The following MBTD1 variants were observed in gnomAD, a reference collection of about 807,000 sequenced individuals.
MBTD1 encodes the protein MBT domain-containing protein 1.
A neutral mutation model predicts 87.8 loss-of-function variants in MBTD1; 24 were observed. The observed-to-expected ratio is 0.27, with a 90% CI of 0.20 to 0.38. The LOEUF is 0.38. MBTD1 is among the 10% of genes least tolerant of loss of function. The probability of loss-of-function intolerance (pLI) is 1.00; values close to 1 mark genes in which losing one functional copy is unlikely to be tolerated. For synonymous variants in MBTD1, 237 were observed against 248.6 expected (o/e 0.95, Z 0.44); for missense variants, 436 against 760.2 (o/e 0.57, Z 5.02).
At position 51,177,435 on chromosome 17, in the gene MBTD1, CATTTT is replaced by C. The variant is rs1167642057; in HGVS notation, c.*3136_*3140del. On this transcript the variant is annotated 3_prime_UTR_variant, in exon 17 of 17. Transcript: ENST00000586178. ...CTGCTCAAATCCAGCTTAACTTTAA[CATTTT>C]ATTTTGTGTAAAAAAGGGCAAATTT... is the stretch of plus-strand genomic sequence containing the variant. 2.6e-5 allele frequency: 4 copies of C among 152,184 alleles called. No individual in the cohort carries two copies. Among genetic ancestry groups the C allele is most frequent in the African/African-American group, 9.7e-5 (4 of 41,442 alleles). 9.4% of individuals were successfully genotyped at this position (152,184 alleles called of 1,614,324 possible). A position where few individuals can be genotyped will look rare whatever the true frequency, so the allele number is the denominator to read the frequency against.
rs536430023 is a variant in MBTD1, at chr17:51,191,958, TCA to T, written c.1768+243_1768+244del. On this transcript the variant is annotated intron_variant, in intron 16 of 16. Coordinates refer to ENST00000586178, the MANE Select transcript of MBTD1 (RefSeq NM_017643.3). The stretch of plus-strand genomic sequence containing the variant: ...TTTTACATATTATTTCAAGAATCAT[TCA>T]CAGACTCTATTCTTTACCACGTATA... 163 of 454,040 alleles carry T rather than the reference TCA, an allele frequency of 3.6e-4. No individual in the cohort carries two copies. In the South Asian group the frequency reaches 5.0e-3, roughly 14 times the overall value. The allele number at this position is 454,040 out of a possible 1,614,324, so 28.1% of individuals were successfully genotyped here. A position where few individuals can be genotyped will look rare whatever the true frequency, so the allele number is the denominator to read the frequency against.
rs561384739 is a variant in MBTD1 at position 51,179,884 on chromosome 17, T to C, written c.*692A>G. On this transcript the variant is annotated 3_prime_UTR_variant, in exon 17 of 17. Transcript: ENST00000586178. ...CCATTCCAGTTTAACACTTTAGTGT[T>C]AGGATAATTCTAATCATTTTTTTAA... 1 of 152,132 alleles carries C rather than the reference T, an allele frequency of 6.6e-6. No homozygotes were observed. The highest frequency in any genetic ancestry group is 2.4e-5 in the African/African-American group (1 of 41,422). 9.4% of individuals were successfully genotyped at this position (152,132 alleles called of 1,614,324 possible). A position where few individuals can be genotyped will look rare whatever the true frequency, so the allele number is the denominator to read the frequency against.
At chr17:51,198,495 G>A (rs2051269316) in intron 12 of MBTD1, among the ~76,000 whole-genome samples, 1 of 152,074 alleles carries the variant, frequency 6.6e-6, no homozygotes, top group Non-Finnish European at 1.5e-5. Context: ...TAAGACCTCT[G>A]GACAGAACTA....
intron 13 of MBTD1, among the ~76,000 whole-genome samples, chr17:51,194,067 C>T (rs1185442834): frequency 6.6e-6 from 1 of 152,180 alleles, no homozygotes; most frequent in Admixed American, 6.5e-5. Flanking sequence ...TTTGCTCTTT[C>T]AATCCTAGGC....
intron 6 of MBTD1, among the ~76,000 whole-genome samples, chr17:51,211,889 C>A (rs938792763): frequency 9.5e-4 from 144 of 152,110 alleles, no homozygotes; most frequent in Middle Eastern, 3.4e-3. Flanking sequence ...ACTGTACATA[C>A]ACAAAAGGGC....
chr17:51,249,491 C>T (rs1354959098), intron 2 of MBTD1: 1 of 152,106 alleles, frequency 6.6e-6, no homozygotes, highest in East Asian at 1.9e-4. Context: ...TGGTTTTTAG[C>T]ATTATAAACT....
intron 2 of MBTD1, among the ~76,000 whole-genome samples, chr17:51,237,427 A>C (rs1226046701): frequency 6.6e-6 from 1 of 152,236 alleles, no homozygotes; most frequent in Admixed American, 6.5e-5. Context: ...AATATTTGCA[A>C]ATCACAGATT....
chr17:51,209,926 T>A (rs2052073220), intron 6 of MBTD1, among the ~76,000 whole-genome samples: 1 of 151,838 alleles, frequency 6.6e-6, no homozygotes, highest in South Asian at 2.1e-4. Flanking sequence ...GAAATGAGAG[T>A]TCCTAACTAC....
At chr17:51,230,442 TGCAAA>T (rs2053485812) in intron 2 of MBTD1, among the ~76,000 whole-genome samples, 1 of 147,442 alleles carries the variant, frequency 6.8e-6, no homozygotes, top group Admixed American at 6.6e-5. Flanking sequence ...CAGAAAAGCA[TGCAAA>T]GCAGACAAGA....
intron 3 of MBTD1, among the ~76,000 whole-genome samples, chr17:51,222,308 A>G (rs2052948049): frequency 6.6e-6 from 1 of 152,262 alleles, no homozygotes; most frequent in Non-Finnish European, 1.5e-5. Flanking sequence ...ATATACACTA[A>G]CAGGAGCTAA....
At position 51,192,862 on chromosome 17, in the gene MBTD1, A is replaced by C. The variant is rs2050879102; in HGVS notation, c.1610T>G (p.Val537Gly). 1 of 1,614,192 alleles carries C rather than the reference A, an allele frequency of 6.2e-7. No homozygotes were observed. The highest frequency in any genetic ancestry group is 8.5e-7 in the Non-Finnish European group (1 of 1,180,014). The change falls in exon 15 of 17, where the codon GTA (valine) becomes GGA (glycine). Residue 537 changes from valine to glycine, a missense_variant. Around this residue, in one of 5 missense-constraint regions of MBTD1, gnomAD observed 80 missense variants for 182.2 expected, o/e 0.44. Transcript: ENST00000586178. ...ATAGAGGTCAGGTGACTCACAGTCTACCCACTGATCATACTCTTCTTCCCA... is the reference window on the plus strand; with the variant it reads ...ATAGAGGTCAGGTGACTCACAGTCTCCCCACTGATCATACTCTTCTTCCCA... ...DGWEEEYDQW[V>G]DCESPDLYPV...
intron 2 of MBTD1, among the ~76,000 whole-genome samples, chr17:51,243,693 T>G (rs1266151796): frequency 6.6e-6 from 1 of 152,094 alleles, no homozygotes; most frequent in Non-Finnish European, 1.5e-5. Flanking sequence ...TCTGGAAGAT[T>G]AGTTTTAATT....
chr17:51,260,498 G>A (rs1053617069), upstream of MBTD1: 1 of 1,425,190 alleles, frequency 7.0e-7, no homozygotes, highest in East Asian at 2.4e-5. Flanking sequence ...GGCCCCCGGG[G>A]CTTCGGCGGC....
At chr17:51,189,644 T>C (rs540017731) in intron 16 of MBTD1, among the ~76,000 whole-genome samples, 1 of 152,312 alleles carries the variant, frequency 6.6e-6, no homozygotes, top group East Asian at 1.9e-4. Flanking sequence ...AAAAGCAATG[T>C]CATATAGCCA....
intron 3 of MBTD1, among the ~76,000 whole-genome samples, chr17:51,221,255 A>G (rs1159329296): frequency 2.0e-5 from 3 of 152,210 alleles, no homozygotes; most frequent in African/African-American, 7.2e-5. Flanking sequence ...CTATGATCGC[A>G]CCACTGCACT....
upstream of MBTD1, chr17:51,260,616 T>G (rs778938607): frequency 2.2e-5 from 35 of 1,612,508 alleles, no homozygotes; most frequent in Admixed American, 3.3e-5. Context: ...CGAATGAAAC[T>G]GGACCGGAGA....
chr17:51,195,216 C>G lies in MBTD1; in HGVS notation c.1370G>C (p.Arg457Thr), dbSNP rs1372209301. 6.2e-7 allele frequency: 1 copy of G among 1,610,534 alleles called. No homozygotes were observed. Among genetic ancestry groups the G allele is most frequent in the Non-Finnish European group, 8.5e-7 (1 of 1,178,970 alleles). Residue 457 changes from arginine to threonine, a missense_variant and splice_region_variant, in exon 13 of 17, where the codon AGA (arginine) becomes ACA (threonine). Arg to Thr is a moderately conservative substitution (Grantham distance 71). This residue lies in a region of MBTD1 where 80 missense variants were observed against 182.2 expected (regional missense o/e 0.44). Coordinates refer to ENST00000586178, the MANE Select transcript of MBTD1 (RefSeq NM_017643.3). ...GTGTTTATATTAGGATGAAGTACCT[C>G]TGGGTGGAGTAAGTTCAATCATGTT... ...EINMIELTPP[R>T]GYTKLPFKWF...
chr17:51,197,132 T>G (rs1192534980), intron 12 of MBTD1, among the ~76,000 whole-genome samples: 4 of 97,042 alleles, frequency 4.1e-5, no homozygotes, highest in Admixed American at 2.5e-4. Context: ...GACGGAGTCT[T>G]GCTTTGTTGC....
chr17:51,235,389 C>G (rs1260345528), intron 2 of MBTD1, among the ~76,000 whole-genome samples: 7 of 151,906 alleles, frequency 4.6e-5, no homozygotes, highest in African/African-American at 1.7e-4. Flanking sequence ...CCACCCACCT[C>G]AGCCTCCCAA....
Sources: allele counts gnomAD v4.1 joint callset (sites outside exome capture counted in the v4.1 genomes callset), GRCh38; gene constraint gnomAD v4.1.1; regional missense constraint gnomAD v4.1.1; transcripts MANE v1.5; gene names NCBI Gene and HGNC (gene_info 2026-07-23, HGNC 2026-07-21).